DNAJC14: variants seen among roughly 807,000 people sequenced by gnomAD.
DNAJC14 encodes the protein DnaJ heat shock protein family (Hsp40) member C14.
Under a neutral mutation model 68.8 loss-of-function variants are expected in DNAJC14, and 12 were observed. The observed-to-expected ratio is 0.17, with a 90% CI of 0.11 to 0.28. DNAJC14 has a LOEUF of 0.28. Ranked by LOEUF, DNAJC14 falls within the 10% of genes least tolerant of loss-of-function variation. The pLI is 1.00. For synonymous variants in DNAJC14, 350 were observed against 321.5 expected (o/e 1.09, Z -0.95); for missense variants, 764 against 875.6 (o/e 0.87, Z 1.61).
intron 2 of DNAJC14, 91 bp from the exon 3 acceptor site, chr12:55,823,599 C>A (rs1377761671): frequency 8.8e-7 from 1 of 1,130,902 alleles, no homozygotes. Flanking sequence ...TCTTTCATCA[C>A]CCTTTTGAAG....
chr12:55,828,502 G>A lies in DNAJC14; in HGVS notation c.157C>T (p.Leu53Phe), dbSNP rs1007882660. The A allele has an allele frequency of 6.8e-6, 11 of 1,614,008 alleles. No individual in the cohort carries two copies. The highest frequency in any genetic ancestry group is 2.2e-5 in the East Asian group (1 of 44,878). The change falls in exon 2 of 7, where the codon CTC (leucine) becomes TTC (phenylalanine). Residue 53 changes from leucine (L) to phenylalanine (F), a missense_variant. Around this residue, in one of 4 missense-constraint regions of DNAJC14, gnomAD observed 514 missense variants for 521.7 expected, o/e 0.99. Coordinates refer to ENST00000678005, the MANE Select transcript of DNAJC14 (RefSeq NM_032364.6). ...AGTAPNGTRCLTEHSGPKHTQ... is the reference protein window; with the variant it reads ...AGTAPNGTRCFTEHSGPKHTQ... ...TGCTTAGGACCAGAGTGCTCTGTGA[G>A]GCAGCGGGTACCATTAGGAGCAGTC...
At chr12:55,823,303 C>A in intron 3 of DNAJC14, 99 bp downstream of exon 3, 2 of 1,595,634 alleles carry the variant, frequency 1.3e-6, no homozygotes, top group Non-Finnish European at 1.7e-6. Flanking sequence ...GACTTCAGTT[C>A]TCTCCATCTC....
Position 55,828,644 on chromosome 12 carries a change from G to T in DNAJC14, c.15C>A (p.His5Gln). The T allele has an allele frequency of 5.0e-6, 8 of 1,613,132 alleles. No homozygotes were observed. The highest frequency in any genetic ancestry group is 6.8e-6 in the Non-Finnish European group (8 of 1,179,276). The change falls in exon 2 of 7, where the codon CAC becomes CAA. Residue 5 changes from histidine (H) to glutamine (Q), a missense_variant. Transcript: ENST00000678005. MAQK[H>Q]PGERGLYGAH... ...CTCCATACAACCCTCTTTCTCCGGG[G>T]TGCTTCTGGGCCATGACCCCGGGGC...
rs1270952456 is a variant in DNAJC14, at chr12:55,821,339, G to A, written c.*638C>T. The A allele has an allele frequency of 6.6e-6, 1 of 152,604 alleles. No homozygotes were observed. The highest frequency in any genetic ancestry group is 1.9e-4 in the East Asian group (1 of 5,196). The allele number at this position is 152,604 out of a possible 1,614,324, so 9.5% of individuals were successfully genotyped here. ...ATATTATATCAGGATAAAGGAGAGG[G>A]CTCCCTCCTGAAATGGGTCAAGAAA... On this transcript the variant is annotated 3_prime_UTR_variant, in exon 7 of 7. Transcript: ENST00000678005.
intron 2 of DNAJC14, among the ~76,000 whole-genome samples, chr12:55,824,202 T>G (rs1236491837): frequency 6.6e-6 from 1 of 152,122 alleles, no homozygotes; most frequent in Non-Finnish European, 1.5e-5. Flanking sequence ...CAATCCCAGA[T>G]GAACAGGGAC....
At chr12:55,826,271 CTTTTTTT>C (rs1164806475) in intron 2 of DNAJC14, among the ~76,000 whole-genome samples, 4 of 85,798 alleles carry the variant, frequency 4.7e-5, no homozygotes, top group Non-Finnish European at 8.6e-5. Flanking sequence ...GGGAAAATAT[CTTTTTTT>C]TTTTTTTTTT....
At position 55,822,106 on chromosome 12, in the gene DNAJC14, A is replaced by T. The variant is rs969834192; in HGVS notation, c.1980T>A (p.Asn660Lys). Reference protein sequence around the residue: ...IFQVPPGQMPNGNFFAAPQPA... With the variant: ...IFQVPPGQMPKGNFFAAPQPA... Reference sequence around the variant, plus strand: ...GCTGAGGAGCTGCAAAGAAGTTCCCATTGGGCATCTGCCCTGGGGGTACTT... The same window carrying T: ...GCTGAGGAGCTGCAAAGAAGTTCCCTTTGGGCATCTGCCCTGGGGGTACTT... Residue 660 changes from asparagine to lysine, a missense_variant, in exon 7 of 7, where the codon AAT (asparagine) becomes AAA (lysine). Around this residue, in one of 4 missense-constraint regions of DNAJC14, gnomAD observed 134 missense variants for 162.3 expected, o/e 0.83. Transcript: ENST00000678005. 1.2e-6 allele frequency: 2 copies of T among 1,613,850 alleles called. No homozygotes were observed. The highest frequency in any genetic ancestry group is 1.3e-5 in the African/African-American group (1 of 75,024).
At chr12:55,822,820 G>T in intron 4 of DNAJC14, 88 bp from the exon 5 acceptor site, 2 of 1,516,480 alleles carry the variant, frequency 1.3e-6, no homozygotes, top group Non-Finnish European at 1.8e-6. Flanking sequence ...CACAAATAGG[G>T]CTGAAACATC....
At position 55,827,699 on chromosome 12, in the gene DNAJC14, A is replaced by G. The variant is rs368059383; in HGVS notation, c.960T>C (p.Phe320=). The change falls in exon 2 of 7, where the codon TTT becomes TTC. Residue 320 remains phenylalanine, a synonymous_variant. Coordinates refer to ENST00000678005, the MANE Select transcript of DNAJC14 (RefSeq NM_032364.6). ...SQGFYCGVGL[F]TRFLKLLGAL... ...CACCCAGCAGCTTAAGAAAACGAGT[A>G]AACAGTCCTACTCCACAGTAAAACC... The G allele has an allele frequency of 2.2e-5, 36 of 1,614,048 alleles. No homozygotes were observed. Among genetic ancestry groups the G allele is most frequent in the Non-Finnish European group, 3.0e-5 (35 of 1,180,024 alleles).
intron 1 of DNAJC14, chr12:55,829,212 C>A (rs1272252360): frequency 1.0e-6 from 1 of 970,232 alleles, no homozygotes; most frequent in Non-Finnish European, 1.2e-6. Context: ...TTTGGGAGGC[C>A]GAGGCCGGCG....
chr12:55,829,976 C>G (rs1196467526), upstream of DNAJC14: 1 of 152,400 alleles, frequency 6.6e-6, no homozygotes, highest in Non-Finnish European at 1.5e-5. Flanking sequence ...CCAGGGAGCT[C>G]AGAAGAGTCA....
Position 55,822,011 on chromosome 12 carries a change from C to T in DNAJC14, c.2075G>A (p.Arg692Gln). 3.7e-6 allele frequency: 6 copies of T among 1,613,040 alleles called. No individual in the cohort carries two copies. Among genetic ancestry groups the T allele is most frequent in the African/African-American group, 1.3e-5 (1 of 74,936 alleles). ...GAAGGGCCTCCTCACTTTCTTCCGC[C>T]GCTTAGGTTTGGCTTCTCCCTTGGG... ...TVPKGEAKPK[R>Q]RKKVRRPFQR The change falls in exon 7 of 7, where the codon CGG (arginine) becomes CAG (glutamine). Residue 692 changes from arginine to glutamine, a missense_variant. Transcript: ENST00000678005.
Position 55,823,174 on chromosome 12 carries a change from C to T in DNAJC14, c.1530G>A (p.Glu510=). The part of the protein sequence containing the change: ...RKEYEMKRMA[E]NELSRSVNEF... ...CATTTACTGACCGGCTCAGCTCATT[C>T]TCTGCCATTCGTTTCCTAATAGAAG... is the stretch of plus-strand genomic sequence containing the variant. Residue 510 remains glutamate, a synonymous_variant, in exon 4 of 7, where the codon GAG becomes GAA. Coordinates refer to ENST00000678005, the MANE Select transcript of DNAJC14 (RefSeq NM_032364.6). 1 of 1,614,164 alleles carries T rather than the reference C, an allele frequency of 6.2e-7. No homozygotes were observed. The highest frequency in any genetic ancestry group is 8.5e-7 in the Non-Finnish European group (1 of 1,180,036).
Position 55,828,589 on chromosome 12 carries a change from T to C in DNAJC14, c.70A>G (p.Thr24Ala), listed in dbSNP as rs1206755846. 3.7e-6 allele frequency: 6 copies of C among 1,614,010 alleles called. No individual in the cohort carries two copies. Among genetic ancestry groups the C allele is most frequent in the Non-Finnish European group, 5.1e-6 (6 of 1,179,984 alleles). Reference sequence around the variant, plus strand: ...TCAGGGTCCACGGAGGGTCCTAAAGTCCTGAGGGAGGCACCACCACTGTGG... The same window carrying C: ...TCAGGGTCCACGGAGGGTCCTAAAGCCCTGAGGGAGGCACCACCACTGTGG... ...AHHSGGASLR[T>A]LGPSVDPEIP... The change falls in exon 2 of 7, where the codon ACT becomes GCT. Residue 24 changes from threonine (T) to alanine (A), a missense_variant. This residue lies in a region of DNAJC14 where 514 missense variants were observed against 521.7 expected (regional missense o/e 0.99). Coordinates refer to ENST00000678005, the MANE Select transcript of DNAJC14 (RefSeq NM_032364.6).
chr12:55,825,432 G>A lies in DNAJC14; in HGVS notation c.1407+1820C>T, dbSNP rs549043652. 4.6e-5 allele frequency among the ~76,000 whole-genome samples: 7 copies of A among 151,578 alleles called. No individual in the cohort carries two copies. The South Asian group carries it at 6.2e-4, about 14-fold the overall frequency. ...TGTACAGAAATAGCAGTAACAATCT[G>A]TTATCTAATATCAACCTAATATCTA... On this transcript the variant is annotated intron_variant, in intron 2 of 6. Transcript: ENST00000678005.
chr12:55,828,443 G>C lies in DNAJC14; in HGVS notation c.216C>G (p.Asp72Glu). The C allele has an allele frequency of 6.2e-7, 1 of 1,614,152 alleles. No individual in the cohort carries two copies. Among genetic ancestry groups the C allele is most frequent in the Non-Finnish European group, 8.5e-7 (1 of 1,180,014 alleles). ...GACCCCCTGGGGGGCCATGGCTTGG[G>C]TCCAACCAATGGGCTGGGTTTGGGT... ...TQHPNPAHWL[D>E]PSHGPPGGPG... Residue 72 changes from aspartate (D) to glutamate (E), a missense_variant, in exon 2 of 7, where the codon GAC (aspartate) becomes GAG (glutamate). Physicochemically the swap from Asp to Glu is conservative, Grantham distance 45. Coordinates refer to ENST00000678005, the MANE Select transcript of DNAJC14 (RefSeq NM_032364.6).
chr12:55,821,267 G>A lies in DNAJC14; in HGVS notation c.*710C>T, dbSNP rs531059934. 136 of 152,084 alleles carry A rather than the reference G, an allele frequency of 8.9e-4. No homozygotes were observed. Among genetic ancestry groups the A allele is most frequent in the African/African-American group, 3.2e-3 (132 of 41,302 alleles). 9.4% of individuals were successfully genotyped at this position (152,084 alleles called of 1,614,324 possible). Reference sequence around the variant, plus strand: ...AGTTTCCAGTCTCTGAACTCTATGCGATAATCTCCTATCATTAGGGCTACA... The same window carrying A: ...AGTTTCCAGTCTCTGAACTCTATGCAATAATCTCCTATCATTAGGGCTACA... On this transcript the variant is annotated 3_prime_UTR_variant, in exon 7 of 7. Coordinates refer to ENST00000678005, the MANE Select transcript of DNAJC14 (RefSeq NM_032364.6).
At chr12:55,829,609 G>A (rs1040553359), upstream of DNAJC14, 4 of 985,394 alleles carry the variant, frequency 4.1e-6, no homozygotes, top group Non-Finnish European at 4.8e-6. Context: ...CCGTCCCCGC[G>A]GCCGCCGGCG....
rs765608994 is a variant in DNAJC14, at chr12:55,822,491, ATAAT to A, written c.1796-20_1796-17del. 3.5e-5 allele frequency: 57 copies of A among 1,613,820 alleles called. No homozygotes were observed. Among genetic ancestry groups the A allele is most frequent in the Middle Eastern group, 1.7e-4 (1 of 6,060 alleles). On this transcript the variant is annotated splice_polypyrimidine_tract_variant and intron_variant, in intron 5 of 6. Coordinates refer to ENST00000678005, the MANE Select transcript of DNAJC14 (RefSeq NM_032364.6). ...CCAGCCCACTCTATAAACATGAGAAATAATTAGCCAAAACGTCGCAGTTTAGAGC... is the reference window on the plus strand; with the variant it reads ...CCAGCCCACTCTATAAACATGAGAAATAGCCAAAACGTCGCAGTTTAGAGC...
Sources: allele counts gnomAD v4.1 joint callset (sites outside exome capture counted in the v4.1 genomes callset), GRCh38; gene constraint gnomAD v4.1.1; regional missense constraint gnomAD v4.1.1; transcripts MANE v1.5; gene names NCBI Gene and HGNC (gene_info 2026-07-23, HGNC 2026-07-21).